Variants in MRPL30 observed in about 807,000 individuals in gnomAD.
MRPL30 encodes large ribosomal subunit protein uL30m.
MRPL30 carries 10 observed loss-of-function variants against 17.2 expected under a neutral mutation model. The observed-to-expected ratio is 0.58, with a 90% confidence interval of 0.36 to 0.99. The LOEUF (loss-of-function observed/expected upper bound fraction) is 0.99. Ranked by LOEUF, MRPL30 falls within the 50% of genes least tolerant of loss-of-function variation. The pLI is 0.01. For synonymous variants in MRPL30, 61 were observed against 62.1 expected (o/e 0.98, Z 0.08); for missense variants, 170 against 189.8 (o/e 0.90, Z 0.61).
chr2:99,185,603 A>T (rs1266811272), intron 1 of MRPL30, among the ~76,000 whole-genome samples: 1 of 152,242 alleles, frequency 6.6e-6, no homozygotes, highest in Non-Finnish European at 1.5e-5. Context: ...CATTGAGAAT[A>T]GTTTAAAAAG....
Position 99,181,198 on chromosome 2 carries a change from G to A in MRPL30, c.-79G>A. ...TGTAGCACTTGGTAGTTCTTCCTCT[G>A]CTCTGCTTCCCTTCGGAGGAAAATT... On this transcript the variant is annotated 5_prime_UTR_variant, in exon 1 of 6. Coordinates refer to ENST00000338148, the MANE Select transcript of MRPL30 (RefSeq NM_145212.4). The A allele has an allele frequency of 1.7e-6, 1 of 574,600 alleles. No individual in the cohort carries two copies. Among genetic ancestry groups the A allele is most frequent in the South Asian group, 2.6e-5 (1 of 37,788 alleles). The allele number at this position is 574,600 out of a possible 1,614,324, so 35.6% of individuals were successfully genotyped here.
chr2:99,182,065 G>T (rs550244665), intron 1 of MRPL30, among the ~76,000 whole-genome samples: 2 of 151,968 alleles, frequency 1.3e-5, no homozygotes, highest in Admixed American at 1.3e-4. Flanking sequence ...TACCCCCAGG[G>T]GTATGTTAAC....
chr2:99,187,517 C>CA (rs1436391677), intron 2 of MRPL30, among the ~76,000 whole-genome samples: 1 of 152,206 alleles, frequency 6.6e-6, no homozygotes, highest in African/African-American at 2.4e-5. Context: ...TTGTAAATAA[C>CA]AGTTTTATTG....
At chr2:99,193,884 A>C (rs1044721011) in intron 3 of MRPL30, among the ~76,000 whole-genome samples, 2 of 152,088 alleles carry the variant, frequency 1.3e-5, no homozygotes, top group African/African-American at 4.8e-5. Context: ...CCAAAAATAG[A>C]AAAATTAGCT....
chr2:99,188,230 A>T lies in MRPL30; in HGVS notation c.105A>T (p.Lys35Asn), dbSNP rs2093937570. 5.0e-6 allele frequency: 8 copies of T among 1,608,710 alleles called. No homozygotes were observed. Among genetic ancestry groups the T allele is most frequent in the Non-Finnish European group, 6.8e-6 (8 of 1,178,262 alleles). Residue 35 changes from lysine (K) to asparagine (N), a missense_variant, in exon 3 of 6, where the codon AAA becomes AAT. Lys to Asn is a moderately conservative substitution (Grantham distance 94). Coordinates refer to ENST00000338148, the MANE Select transcript of MRPL30 (RefSeq NM_145212.4). ...SLICTDWIRH[K>N]FTRSRIPEKV... ...TTTGTACAGATTGGATTCGTCACAA[A>T]TTCACCAGATCAAGAATTCCAGAAA...
chr2:99,194,739 T>C lies in MRPL30; in HGVS notation c.133-12T>C, dbSNP rs771553414. 1.3e-6 allele frequency: 2 copies of C among 1,566,682 alleles called. No individual in the cohort carries two copies. The highest frequency in any genetic ancestry group is 2.8e-5 in the African/African-American group (2 of 71,420). On this transcript the variant is annotated splice_polypyrimidine_tract_variant and intron_variant, in intron 3 of 5. Transcript: ENST00000338148. ...GTTGGAAATTTACCATTTATAATTCTTTCCTTTCTAGGTGTTTCAGGCCTC... is the reference window on the plus strand; with the variant it reads ...GTTGGAAATTTACCATTTATAATTCCTTCCTTTCTAGGTGTTTCAGGCCTC...
At chr2:99,183,637 A>T (rs911972015) in intron 1 of MRPL30, among the ~76,000 whole-genome samples, 7 of 151,994 alleles carry the variant, frequency 4.6e-5, no homozygotes, top group Non-Finnish European at 8.8e-5. Flanking sequence ...TAATTTTTTC[A>T]TAAATAAACT....
At position 99,194,769 on chromosome 2, in the gene MRPL30, G is replaced by C; in HGVS notation, c.151G>C (p.Glu51Gln). The change falls in exon 4 of 6, where the codon GAA becomes CAA. Residue 51 changes from glutamate (E) to glutamine (Q), a missense_variant. Coordinates refer to ENST00000338148, the MANE Select transcript of MRPL30 (RefSeq NM_145212.4). ...TTTCTAGGTGTTTCAGGCCTCACCT[G>C]AAGATCATGAAAAATACGGTGGGGA... ...IPEKVFQASP[E>Q]DHEKYGGDPQ... 1 of 1,587,264 alleles carries C rather than the reference G, an allele frequency of 6.3e-7. No individual in the cohort carries two copies. The highest frequency in any genetic ancestry group is 8.5e-7 in the Non-Finnish European group (1 of 1,172,890).
At chr2:99,189,219 A>G (rs1200604291) in intron 3 of MRPL30, among the ~76,000 whole-genome samples, 1 of 152,224 alleles carries the variant, frequency 6.6e-6, no homozygotes, top group African/African-American at 2.4e-5. Flanking sequence ...TGACAAATGC[A>G]TAATGTCATG....
In MRPL30 at chr2:99,181,201, C is replaced by T. The variant is rs2093919295; in HGVS notation, c.-76C>T. 3.5e-6 allele frequency: 2 copies of T among 567,158 alleles called. No homozygotes were observed. Among genetic ancestry groups the T allele is most frequent in the Non-Finnish European group, 5.9e-6 (2 of 341,554 alleles). 35.1% of individuals were successfully genotyped at this position (567,158 alleles called of 1,614,324 possible). ...AGCACTTGGTAGTTCTTCCTCTGCT[C>T]TGCTTCCCTTCGGAGGAAAATTTCA... On this transcript the variant is annotated 5_prime_UTR_variant, in exon 1 of 6. Transcript: ENST00000338148.
intron 3 of MRPL30, among the ~76,000 whole-genome samples, chr2:99,188,787 G>A (rs1161261023): frequency 6.6e-6 from 1 of 152,012 alleles, no homozygotes; most frequent in South Asian, 2.1e-4. Flanking sequence ...TGCAACCTCC[G>A]TCTCCCGGGT....
chr2:99,194,974 CATTT>C (rs1191611719), intron 4 of MRPL30, 77 bp downstream of exon 4: 2 of 1,384,668 alleles, frequency 1.4e-6, no homozygotes, highest in African/African-American at 3.0e-5. Context: ...TTGCGGTATA[CATTT>C]ATTATTTATT....
At chr2:99,187,767 G>A (rs2093936413) in intron 2 of MRPL30, among the ~76,000 whole-genome samples, 1 of 152,084 alleles carries the variant, frequency 6.6e-6, no homozygotes, top group Non-Finnish European at 1.5e-5. Context: ...GGCAGAGGTT[G>A]CAGTGAGCCG....
chr2:99,182,173 A>G (rs555894964), intron 1 of MRPL30, among the ~76,000 whole-genome samples: 1 of 152,348 alleles, frequency 6.6e-6, no homozygotes, highest in Admixed American at 6.5e-5. Context: ...GTGATGCCTG[A>G]TATTTTCCTG....
At chr2:99,186,671 GC>G (rs2093934602) in intron 2 of MRPL30, among the ~76,000 whole-genome samples, 1 of 152,046 alleles carries the variant, frequency 6.6e-6, no homozygotes, top group East Asian at 1.9e-4. Context: ...TGGTTTTTCT[GC>G]TGTTTTATCC....
intron 1 of MRPL30, among the ~76,000 whole-genome samples, chr2:99,183,776 G>A (rs1003207495): frequency 6.6e-6 from 1 of 152,000 alleles, no homozygotes; most frequent in Non-Finnish European, 1.5e-5. Flanking sequence ...ATATTGATAC[G>A]TTATTAAAGT....
In MRPL30 at chr2:99,194,868, G is replaced by A; in HGVS notation, c.250G>A (p.Asp84Asn). The A allele has an allele frequency of 1.2e-5, 19 of 1,581,564 alleles. No homozygotes were observed. The highest frequency in any genetic ancestry group is 1.5e-5 in the Non-Finnish European group (18 of 1,166,448). ...AAGAAGACGTCCATATTGGGAAAAA[G>A]ATATAATAAAGATGCTTGGATTAGA... Reference protein sequence around the residue: ...STRRRPYWEKDIIKMLGLEKA... With the variant: ...STRRRPYWEKNIIKMLGLEKA... The change falls in exon 4 of 6, where the codon GAT becomes AAT. Residue 84 changes from aspartate (D) to asparagine (N), a missense_variant. Physicochemically the swap from Asp to Asn is conservative, Grantham distance 23. Coordinates refer to ENST00000338148, the MANE Select transcript of MRPL30 (RefSeq NM_145212.4).
rs1337296588 is a variant in MRPL30 at position 99,194,175 on chromosome 2, C to A, written c.133-576C>A. Among the ~76,000 whole-genome samples the A allele has an allele frequency of 2.6e-5, 4 of 152,084 alleles. No homozygotes were observed. The East Asian group carries it at 5.8e-4, about 22-fold the overall frequency. ...GTTGCCTTTAAACTTTTCAGTGTTA[C>A]ACATAGTGTTAGAATACACATCCTT... On this transcript the variant is annotated intron_variant, in intron 3 of 5. Coordinates refer to ENST00000338148, the MANE Select transcript of MRPL30 (RefSeq NM_145212.4).
intron 1 of MRPL30, among the ~76,000 whole-genome samples, chr2:99,183,246 G>T (rs2093928629): frequency 6.6e-6 from 1 of 152,136 alleles, no homozygotes; most frequent in African/African-American, 2.4e-5. Flanking sequence ...GGTTGGTAGT[G>T]CTGTACTACA....
Sources: gnomAD v4.1 joint callset for allele counts (sites outside exome capture counted in the v4.1 genomes callset) on GRCh38, gnomAD v4.1.1 for gene constraint, MANE v1.5 for transcripts, NCBI Gene and HGNC (gene_info 2026-07-23, HGNC 2026-07-21) for gene names.